Variants in KANK2 observed in about 807,000 individuals in gnomAD.
The protein encoded by KANK2 is KN motif and ankyrin repeat domain-containing protein 2.
KANK2 carries 41 observed loss-of-function variants against 74.6 expected under a neutral mutation model. The observed-to-expected ratio is 0.55, with a 90% CI of 0.43 to 0.71. KANK2 has a LOEUF of 0.71. Ranked by LOEUF, KANK2 falls within the 30% of genes least tolerant of loss-of-function variation. The pLI is 0.00. For synonymous variants in KANK2, 537 were observed against 519.0 expected, an observed-to-expected ratio of 1.03 and a Z score of -0.47; for missense variants, 1,148 against 1,196.4, an observed-to-expected ratio of 0.96 and a Z score of 0.60.
At chr19:11,184,474 A>C (rs1350143269) in intron 4 of KANK2, among the ~76,000 whole-genome samples, 6 of 150,276 alleles carry the variant, frequency 4.0e-5, no homozygotes, top group Admixed American at 2.0e-4. Context: ...GGCAAGGGAT[A>C]ATCTTCTAGA....
chr19:11,197,806 C>G (rs1040542092), upstream of KANK2: 8 of 150,860 alleles, frequency 5.3e-5, no homozygotes, highest in East Asian at 2.0e-4. Context: ...GCCTCCCCCC[C>G]ACCGCCTGCT....
At chr19:11,183,303 G>A (rs1431671464) in intron 4 of KANK2, among the ~76,000 whole-genome samples, 9 of 152,182 alleles carry the variant, frequency 5.9e-5, no homozygotes, top group South Asian at 2.1e-4. Flanking sequence ...AGTGGGAGAC[G>A]GTGGATTCTG....
rs764504480 is a variant in KANK2 at position 11,178,607 on chromosome 19, T to A, written c.1363A>T (p.Arg455Trp). The change falls in exon 5 of 13, where the codon AGG becomes TGG. Residue 455 changes from arginine (R) to tryptophan (W), a missense_variant. Transcript: ENST00000586659. ...GAGGCTGCTTGCCTGGTGGGCTCCC[T>A]GTGGGTGGGCTCCTGGGTGGGCACT... ...GRVPTQEPTH[R>W]EPTRQAASQE... is the part of the protein sequence containing the mutation. The A allele has an allele frequency of 1.2e-6, 2 of 1,601,932 alleles. No individual in the cohort carries two copies. Among genetic ancestry groups the A allele is most frequent in the Admixed American group, 1.7e-5 (1 of 57,580 alleles).
At position 11,194,108 on chromosome 19, in the gene KANK2, T is replaced by C. The variant is rs563691174; in HGVS notation, c.38-66A>G. On this transcript the variant is annotated intron_variant, in intron 3 of 12. Coordinates refer to ENST00000586659, the MANE Select transcript of KANK2 (RefSeq NM_001136191.3). ...TCCCCATTCTCAGGGTGAAGACTGA[T>C]GCCTGGGGAGAGTTGGGGTTTATTT... is the stretch of plus-strand genomic sequence containing the variant. 5.1e-4 allele frequency: 767 copies of C among 1,498,174 alleles called. No homozygotes were observed. In the Middle Eastern group the frequency reaches 5.3e-3, roughly 10 times the overall value. 92.8% of individuals were successfully genotyped at this position (1,498,174 alleles called of 1,614,324 possible).
intron 7 of KANK2, 79 bp downstream of exon 7, chr19:11,176,499 G>C: frequency 6.8e-7 from 1 of 1,467,390 alleles, no homozygotes. Flanking sequence ...GTCCTTCAAA[G>C]GGCTTGAACG....
At chr19:11,178,286 T>C (rs937459249) in intron 6 of KANK2, 59 bp downstream of exon 6, 15 of 1,120,876 alleles carry the variant, frequency 1.3e-5, no homozygotes, top group African/African-American at 2.0e-5. Flanking sequence ...CTCTCGTGCG[T>C]GGATGAATGG....
intron 10 of KANK2, among the ~76,000 whole-genome samples, chr19:11,171,659 G>A (rs561156478): frequency 2.0e-5 from 3 of 151,582 alleles, no homozygotes; most frequent in Admixed American, 2.0e-4. Flanking sequence ...ACAGGCATGA[G>A]CCACCTTGGT....
intron 4 of KANK2, among the ~76,000 whole-genome samples, chr19:11,179,489 T>C (rs1371656197): frequency 2.7e-5 from 4 of 148,338 alleles, no homozygotes; most frequent in Non-Finnish European, 5.9e-5. Flanking sequence ...ATACAAAAAT[T>C]AGCTGGGCGT....
Position 11,166,533 on chromosome 19 carries a change from T to C in KANK2, c.*25A>G. 6.2e-7 allele frequency: 1 copy of C among 1,611,314 alleles called. No homozygotes were observed. The highest frequency in any genetic ancestry group is 8.5e-7 in the Non-Finnish European group (1 of 1,177,412). ...GACAAGGGACGGTTTGCTCCCGGTCTGGCTGGTCCCCGCCTCCCTCACGGC... is the reference window on the plus strand; with the variant it reads ...GACAAGGGACGGTTTGCTCCCGGTCCGGCTGGTCCCCGCCTCCCTCACGGC... On this transcript the variant is annotated 3_prime_UTR_variant, in exon 13 of 13. Transcript: ENST00000586659.
At chr19:11,175,010 T>C (rs1361058772) in intron 8 of KANK2, among the ~76,000 whole-genome samples, 3 of 149,142 alleles carry the variant, frequency 2.0e-5, no homozygotes, top group African/African-American at 7.4e-5. Flanking sequence ...TAGGCTGGAG[T>C]GCAGTTACAT....
chr19:11,169,506 T>G (rs1282449731), intron 12 of KANK2, among the ~76,000 whole-genome samples: 4 of 151,342 alleles, frequency 2.6e-5, no homozygotes, highest in Non-Finnish European at 5.9e-5. Context: ...AGACCCAGTC[T>G]GAAAACAAAA....
chr19:11,172,132 C>A (rs985020125), intron 10 of KANK2, among the ~76,000 whole-genome samples: 1 of 151,334 alleles, frequency 6.6e-6, no homozygotes. Flanking sequence ...CGTGCCACCA[C>A]GCCCAGCTAA....
intron 4 of KANK2, among the ~76,000 whole-genome samples, chr19:11,188,515 C>CTTT (rs56971061): frequency 1.5e-5 from 2 of 133,350 alleles, no homozygotes; most frequent in Non-Finnish European, 3.3e-5. Flanking sequence ...CATGTAAATT[C>CTTT]TTTTTTTTTT....
In KANK2 at chr19:11,193,951, G is replaced by T. The variant is rs750232989; in HGVS notation, c.129C>A (p.Asp43Glu). The change falls in exon 4 of 13, where the codon GAC becomes GAA. Residue 43 changes from aspartate (D) to glutamate (E), a missense_variant. Transcript: ENST00000586659. This position sits in a 1 kb window ranked among gnomAD's most constrained non-coding sequence, Gnocchi z 9.6. Reference sequence around the variant, plus strand: ...CATCCACGTACTTGAGGAAGTCCAGGTCCAGGCGGTAGCCATAGGGGGTCT... The same window carrying T: ...CATCCACGTACTTGAGGAAGTCCAGTTCCAGGCGGTAGCCATAGGGGGTCT... Reference protein sequence around the residue: ...SVETPYGYRLDLDFLKYVDDI... With the variant: ...SVETPYGYRLELDFLKYVDDI... 1 of 1,614,068 alleles carries T rather than the reference G, an allele frequency of 6.2e-7. No individual in the cohort carries two copies. Among genetic ancestry groups the T allele is most frequent in the African/African-American group, 1.3e-5 (1 of 75,040 alleles).
Position 11,192,915 on chromosome 19 carries a change from A to G in KANK2, c.1165T>C (p.Cys389Arg), listed in dbSNP as rs1201137474. 6.2e-6 allele frequency: 10 copies of G among 1,613,908 alleles called. No homozygotes were observed. Among genetic ancestry groups the G allele is most frequent in the African/African-American group, 2.7e-5 (2 of 74,902 alleles). The change falls in exon 4 of 13, where the codon TGC (cysteine) becomes CGC (arginine). Residue 389 changes from cysteine (C) to arginine (R), a missense_variant. Physicochemically the swap from Cys to Arg is radical, Grantham distance 180. Coordinates refer to ENST00000586659, the MANE Select transcript of KANK2 (RefSeq NM_001136191.3). Reference protein sequence around the residue: ...FRSQEVVETMCPVPAAATSNV... With the variant: ...FRSQEVVETMRPVPAAATSNV... ...CTGGTAGCTGCAGCGGGCACTGGGC[A>G]CATTGTCTCCACCACCTCCTGGCTG...
At position 11,170,934 on chromosome 19, in the gene KANK2, G is replaced by T. The variant is rs1160806687; in HGVS notation, c.2212-686C>A. Among the ~76,000 whole-genome samples the T allele has an allele frequency of 6.6e-6, 1 of 152,128 alleles. No individual in the cohort carries two copies. Among genetic ancestry groups the T allele is most frequent in the African/African-American group, 2.4e-5 (1 of 41,414 alleles). On this transcript the variant is annotated intron_variant, in intron 10 of 12. Coordinates refer to ENST00000586659, the MANE Select transcript of KANK2 (RefSeq NM_001136191.3). The surrounding 1 kb of genome is among the most constrained non-coding windows in gnomAD (Gnocchi z 5.2). Reference sequence around the variant, plus strand: ...CCTCCTGGGTCCAAGCAACTCTCCTGCCTCAGCCTCCTGAGTAGCTGAGAT... The same window carrying T: ...CCTCCTGGGTCCAAGCAACTCTCCTTCCTCAGCCTCCTGAGTAGCTGAGAT...
In KANK2 at chr19:11,192,908, A is replaced by G. The variant is rs750718674; in HGVS notation, c.1172T>C (p.Val391Ala). ...GACGTTGCTGGTAGCTGCAGCGGGC[A>G]CTGGGCACATTGTCTCCACCACCTC... is the stretch of plus-strand genomic sequence containing the variant. ...SQEVVETMCP[V>A]PAAATSNVHM... Residue 391 changes from valine to alanine, a missense_variant, in exon 4 of 13, where the codon GTG becomes GCG. Physicochemically the swap from Val to Ala is moderately conservative, Grantham distance 64. Coordinates refer to ENST00000586659, the MANE Select transcript of KANK2 (RefSeq NM_001136191.3). The G allele has an allele frequency of 6.3e-5, 102 of 1,613,614 alleles. No homozygotes were observed. Among genetic ancestry groups the G allele is most frequent in the Non-Finnish European group, 8.1e-5 (96 of 1,179,870 alleles).
Position 11,193,625 on chromosome 19 carries a change from G to A in KANK2, c.455C>T (p.Ala152Val), listed in dbSNP as rs369445298. Residue 152 changes from alanine (A) to valine (V), a missense_variant, in exon 4 of 13, where the codon GCG becomes GTG. By Grantham distance (64) the Ala-to-Val change is moderately conservative. Transcript: ENST00000586659. The surrounding 1 kb of genome is among the most constrained non-coding windows in gnomAD (Gnocchi z 9.6). Reference protein sequence around the residue: ...PTGLGSLTPSAAGSTASLVGV... With the variant: ...PTGLGSLTPSVAGSTASLVGV... ...CACCAGGGAGGCTGTCGAGCCGGCCGCACTGGGGGTCAGGGAGCCCAGGCC... is the reference window on the plus strand; with the variant it reads ...CACCAGGGAGGCTGTCGAGCCGGCCACACTGGGGGTCAGGGAGCCCAGGCC... 14 of 1,590,050 alleles carry A rather than the reference G, an allele frequency of 8.8e-6. No individual in the cohort carries two copies. Among genetic ancestry groups the A allele is most frequent in the South Asian group, 2.2e-5 (2 of 88,932 alleles).
In KANK2 at chr19:11,175,979, T is replaced by C; in HGVS notation, c.1771A>G (p.Ser591Gly). 2 of 1,612,814 alleles carry C rather than the reference T, an allele frequency of 1.2e-6. No homozygotes were observed. The highest frequency in any genetic ancestry group is 1.7e-6 in the Non-Finnish European group (2 of 1,179,234). ...AAGCAGGCTGAGATGAGGTCAGGGC[T>C]TAGCTCCATCCTGCCAGGAACAGAC... ...NTEEEIRMEL[S>G]PDLISACLAL... The change falls in exon 8 of 13, where the codon AGC becomes GGC. Residue 591 changes from serine to glycine, a missense_variant. Ser to Gly is a moderately conservative substitution (Grantham distance 56). Transcript: ENST00000586659.
Sources: gnomAD v4.1 joint callset for allele counts (sites outside exome capture counted in the v4.1 genomes callset) on GRCh38, gnomAD v4.1.1 for gene constraint, Gnocchi (gnomAD v3.1) non-coding constraint, MANE v1.5 for transcripts, NCBI Gene and HGNC (gene_info 2026-07-23, HGNC 2026-07-21) for gene names.